TSPAN33: variants seen among roughly 807,000 people sequenced by gnomAD.
TSPAN33 encodes tetraspanin-33.
In TSPAN33, 27 loss-of-function variants were observed where a neutral mutation model predicts 34.8. The observed-to-expected ratio is 0.78, with a 90% CI of 0.57 to 1.07. TSPAN33 has a LOEUF of 1.07. Among genes scored for constraint, TSPAN33 ranks in the 50% least tolerant of loss-of-function variants. TSPAN33 has a pLI of 0.00. For synonymous variants in TSPAN33, 119 were observed against 124.2 expected, an observed-to-expected ratio of 0.96 and a Z score of 0.28; for missense variants, 272 against 324.9, an observed-to-expected ratio of 0.84 and a Z score of 1.25.
In TSPAN33 at chr7:129,166,764, G is replaced by A. The variant is rs757413210; in HGVS notation, c.460-14G>A. 13 of 1,613,682 alleles carry A rather than the reference G, an allele frequency of 8.1e-6. No individual in the cohort carries two copies. The highest frequency in any genetic ancestry group is 1.1e-5 in the Non-Finnish European group (13 of 1,179,754). ...GGGTGGGTGATTCTTAACCTCTGGT[G>A]GGTTTTGTTGCAGTTTAGCTGCTGT... On this transcript the variant is annotated splice_polypyrimidine_tract_variant and intron_variant, in intron 5 of 7. Coordinates refer to ENST00000486685, the MANE Select transcript of TSPAN33 (RefSeq NM_178562.5).
intron 1 of TSPAN33, among the ~76,000 whole-genome samples, chr7:129,156,198 T>C (rs1165606833): frequency 6.6e-6 from 1 of 152,230 alleles, no homozygotes; most frequent in African/African-American, 2.4e-5. Context: ...ATCATTGTAA[T>C]ACTGGGGTTA....
At chr7:129,163,333 C>CTTTTTTTT (rs57365994) in intron 4 of TSPAN33, among the ~76,000 whole-genome samples, 7 of 124,826 alleles carry the variant, frequency 5.6e-5, no homozygotes, top group East Asian at 4.7e-4. Flanking sequence ...TTCTTTCTTT[C>CTTTTTTTT]TTTTTTTTTT....
intron 1 of TSPAN33, among the ~76,000 whole-genome samples, chr7:129,160,727 G>T: frequency 6.6e-6 from 1 of 152,184 alleles, no homozygotes; most frequent in Non-Finnish European, 1.5e-5. Context: ...CTTTCTTTTT[G>T]TACTTGACAT....
chr7:129,150,416 C>T (rs965421656), intron 1 of TSPAN33, among the ~76,000 whole-genome samples: 2 of 152,190 alleles, frequency 1.3e-5, no homozygotes, highest in Admixed American at 6.5e-5. Context: ...GCTGCTCCCC[C>T]AAGGGAACCA....
intron 4 of TSPAN33, among the ~76,000 whole-genome samples, chr7:129,163,412 C>T (rs979502169): frequency 1.4e-5 from 2 of 143,592 alleles, no homozygotes; most frequent in Admixed American, 1.5e-4. Context: ...TGGCCTTGAA[C>T]TCCTGGGCTC....
In TSPAN33 at chr7:129,144,781, C is replaced by G. The variant is rs1454665673; in HGVS notation, c.-200C>G. On this transcript the variant is annotated 5_prime_UTR_variant, in exon 1 of 8. Coordinates refer to ENST00000486685, the MANE Select transcript of TSPAN33 (RefSeq NM_178562.5). Reference sequence around the variant, plus strand: ...TCCGCTCGCGCTGCCCACCGCGGCTCCAGCAGCTCCAGGCGCGGTTCCCCG... The same window carrying G: ...TCCGCTCGCGCTGCCCACCGCGGCTGCAGCAGCTCCAGGCGCGGTTCCCCG... The G allele has an allele frequency of 1.3e-5, 2 of 148,976 alleles. No homozygotes were observed. Among genetic ancestry groups the G allele is most frequent in the African/African-American group, 4.9e-5 (2 of 40,790 alleles). 9.2% of individuals were successfully genotyped at this position (148,976 alleles called of 1,614,324 possible).
chr7:129,166,844 G>A lies in TSPAN33; in HGVS notation c.526G>A (p.Asp176Asn). ...SQNMYFNCSE[D>N]NPSRERCSVP... ...GAACATGTATTTCAACTGCTCAGAAGACAACCCCAGTCGAGAGCGCTGCTC... is the reference window on the plus strand; with the variant it reads ...GAACATGTATTTCAACTGCTCAGAAAACAACCCCAGTCGAGAGCGCTGCTC... The change falls in exon 6 of 8, where the codon GAC becomes AAC. Residue 176 changes from aspartate to asparagine, a missense_variant. By Grantham distance (23) the Asp-to-Asn change is conservative (BLOSUM62 1). Coordinates refer to ENST00000486685, the MANE Select transcript of TSPAN33 (RefSeq NM_178562.5). The A allele has an allele frequency of 6.2e-7, 1 of 1,614,186 alleles. No homozygotes were observed. Among genetic ancestry groups the A allele is most frequent in the Non-Finnish European group, 8.5e-7 (1 of 1,180,036 alleles).
chr7:129,159,651 T>C (rs1441617428), intron 1 of TSPAN33, among the ~76,000 whole-genome samples: 1 of 152,214 alleles, frequency 6.6e-6, no homozygotes, highest in Non-Finnish European at 1.5e-5. Context: ...AGATGCTCAC[T>C]GACTCTGGTG....
At chr7:129,158,760 T>C (rs1013906671) in intron 1 of TSPAN33, among the ~76,000 whole-genome samples, 14 of 152,248 alleles carry the variant, frequency 9.2e-5, no homozygotes, top group African/African-American at 3.4e-4. Flanking sequence ...TCTTTTCTTT[T>C]TTTTCTTTTG....
intron 1 of TSPAN33, among the ~76,000 whole-genome samples, chr7:129,147,338 G>C (rs1810535148): frequency 6.6e-6 from 1 of 152,130 alleles, no homozygotes; most frequent in African/African-American, 2.4e-5. Flanking sequence ...AATCATTTTG[G>C]GGACTGTTTT....
intron 1 of TSPAN33, among the ~76,000 whole-genome samples, chr7:129,152,856 C>T (rs890752462): frequency 2.0e-5 from 3 of 151,692 alleles, no homozygotes; most frequent in East Asian, 1.9e-4. Context: ...GTTGGGAGTT[C>T]GAGACCACCA....
At chr7:129,160,078 G>A (rs990790764) in intron 1 of TSPAN33, among the ~76,000 whole-genome samples, 1 of 152,172 alleles carries the variant, frequency 6.6e-6, no homozygotes, top group Non-Finnish European at 1.5e-5. Context: ...GTATATACAG[G>A]CAGAGAAGAG....
intron 5 of TSPAN33, among the ~76,000 whole-genome samples, chr7:129,166,043 TCTGC>T (rs766755662): frequency 3.9e-5 from 6 of 152,102 alleles, no homozygotes; most frequent in Non-Finnish European, 5.9e-5. Flanking sequence ...TTCAAGTGAA[TCTGC>T]CTGCCTCAGC....
chr7:129,167,890 C>T lies in TSPAN33; in HGVS notation c.*16C>T, dbSNP rs754462904. ...ATGGTACTGAGAATCCATCCTGCAC[C>T]TCCTCACCATGGAAACTGGCAAGCC... is the stretch of plus-strand genomic sequence containing the variant. On this transcript the variant is annotated 3_prime_UTR_variant, in exon 8 of 8. Transcript: ENST00000486685. The surrounding 1 kb of genome is among the most constrained non-coding windows in gnomAD (Gnocchi z 4.6). 7 of 1,613,108 alleles carry T rather than the reference C, an allele frequency of 4.3e-6. No homozygotes were observed. Among genetic ancestry groups the T allele is most frequent in the Admixed American group, 3.3e-5 (2 of 59,870 alleles).
At position 129,168,168 on chromosome 7, in the gene TSPAN33, T is replaced by C. The variant is rs1003966650; in HGVS notation, c.*294T>C. On this transcript the variant is annotated 3_prime_UTR_variant, in exon 8 of 8. Coordinates refer to ENST00000486685, the MANE Select transcript of TSPAN33 (RefSeq NM_178562.5). ...TGGGAAACAGCAGTTGCACAGAGAG[T>C]TGGGGGTACTGCTGCTGCCTTTTCA... 20 of 362,218 alleles carry C rather than the reference T, an allele frequency of 5.5e-5. No individual in the cohort carries two copies. Among genetic ancestry groups the C allele is most frequent in the Admixed American group, 8.4e-5 (2 of 23,802 alleles). The allele number at this position is 362,218 out of a possible 1,614,324, so 22.4% of individuals were successfully genotyped here. A position where few individuals can be genotyped will look rare whatever the true frequency, so the allele number is the denominator to read the frequency against.
At position 129,167,672 on chromosome 7, in the gene TSPAN33, G is replaced by A; in HGVS notation, c.751-101G>A. The A allele has an allele frequency of 1.9e-6, 3 of 1,560,084 alleles. No homozygotes were observed. The highest frequency in any genetic ancestry group is 2.6e-6 in the Non-Finnish European group (3 of 1,138,410). On this transcript the variant is annotated intron_variant, in intron 7 of 7. Coordinates refer to ENST00000486685, the MANE Select transcript of TSPAN33 (RefSeq NM_178562.5). The surrounding 1 kb of genome is among the most constrained non-coding windows in gnomAD (Gnocchi z 4.6). ...TGTCAGGCACTGACATGGCTGAGGG[G>A]TAGGGAAAGGGATAGTGCTGGCCGC...
rs150124421 is a variant in TSPAN33, at chr7:129,162,818, C to G, written c.289-15C>G. The stretch of plus-strand genomic sequence containing the variant: ...TGAGTGGTCCTAGACGCCTCTTCTT[C>G]CTGCTGCTCCACAGTTCTCCCTCTG... On this transcript the variant is annotated splice_polypyrimidine_tract_variant and intron_variant, in intron 3 of 7. Coordinates refer to ENST00000486685, the MANE Select transcript of TSPAN33 (RefSeq NM_178562.5). The G allele has an allele frequency of 5.7e-4, 912 of 1,613,356 alleles. 2 individuals are homozygous for G. The African/African-American group carries it at 0.011, about 19-fold the overall frequency.
In TSPAN33 at chr7:129,166,871, G is replaced by A. The variant is rs1369159642; in HGVS notation, c.553G>A (p.Val185Met). Reference sequence around the variant, plus strand: ...CAACCCCAGTCGAGAGCGCTGCTCTGTGCCTTACTCCTGTTGCTTGCCTAC... The same window carrying A: ...CAACCCCAGTCGAGAGCGCTGCTCTATGCCTTACTCCTGTTGCTTGCCTAC... ...EDNPSRERCS[V>M]PYSCCLPTPD... is the part of the protein sequence containing the mutation. Residue 185 changes from valine (V) to methionine (M), a missense_variant, in exon 6 of 8, where the codon GTG (valine) becomes ATG (methionine). Transcript: ENST00000486685. The A allele has an allele frequency of 6.2e-7, 1 of 1,614,090 alleles. No homozygotes were observed. The highest frequency in any genetic ancestry group is 8.5e-7 in the Non-Finnish European group (1 of 1,180,006).
At chr7:129,150,794 G>C (rs1040808609) in intron 1 of TSPAN33, among the ~76,000 whole-genome samples, 10 of 152,128 alleles carry the variant, frequency 6.6e-5, no homozygotes, top group African/African-American at 2.4e-4. Flanking sequence ...TGGAGAGTGA[G>C]GCTGAGCGCT....
Sources: gnomAD v4.1 joint callset for allele counts (sites outside exome capture counted in the v4.1 genomes callset) on GRCh38, gnomAD v4.1.1 for gene constraint, Gnocchi (gnomAD v3.1) non-coding constraint, MANE v1.5 for transcripts, NCBI Gene and HGNC (gene_info 2026-07-23, HGNC 2026-07-21) for gene names.